The following ATP6V0B variants were observed in gnomAD, a reference collection of about 807,000 sequenced individuals.
ATP6V0B encodes ATPase H+ transporting V0 subunit b, also known as V-type proton ATPase 21 kDa proteolipid subunit c''.
In ATP6V0B, 4 loss-of-function variants were observed where a neutral mutation model predicts 26.2. That is an observed-to-expected ratio of 0.15 (90% confidence interval 0.08 to 0.35). The LOEUF (loss-of-function observed/expected upper bound fraction) is 0.35. ATP6V0B is among the 10% of genes least tolerant of loss of function. The pLI is 1.00. For synonymous variants in ATP6V0B, 110 were observed against 105.8 expected, an observed-to-expected ratio of 1.04 and a Z score of -0.24; for missense variants, 175 against 272.5, an observed-to-expected ratio of 0.64 and a Z score of 2.52.
rs1405831303 is a variant in ATP6V0B at position 43,976,476 on chromosome 1, G to A, written c.278+97G>A. 1.3e-6 allele frequency: 2 copies of A among 1,535,578 alleles called. No homozygotes were observed. Among genetic ancestry groups the A allele is most frequent in the African/African-American group, 1.4e-5 (1 of 72,964 alleles). On this transcript the variant is annotated intron_variant, in intron 4 of 7. Transcript: ENST00000472174. The surrounding 1 kb of genome is among the most constrained non-coding windows in gnomAD (Gnocchi z 4.6). Reference sequence around the variant, plus strand: ...TACTGTTTCTGACAAGCCACCTTGTGGGATGGGATGTTATAGGGGAAAGAT... The same window carrying A: ...TACTGTTTCTGACAAGCCACCTTGTAGGATGGGATGTTATAGGGGAAAGAT...
In ATP6V0B at chr1:43,975,124, G is replaced by T; in HGVS notation, c.67+17G>T. 1 of 1,410,858 alleles carries T rather than the reference G, an allele frequency of 7.1e-7. No homozygotes were observed. 87.4% of individuals were successfully genotyped at this position (1,410,858 alleles called of 1,614,324 possible). Reference sequence around the variant, plus strand: ...TGGCCGTGGGTGAGGCCGGGTCCTGGCGGGCGGGAGCAGCATCGCGGCCGA... The same window carrying T: ...TGGCCGTGGGTGAGGCCGGGTCCTGTCGGGCGGGAGCAGCATCGCGGCCGA... On this transcript the variant is annotated intron_variant, in intron 1 of 7. Coordinates refer to ENST00000472174, the MANE Select transcript of ATP6V0B (RefSeq NM_004047.5).
chr1:43,977,192 T>C lies in ATP6V0B; in HGVS notation c.567T>C (p.Phe189=), dbSNP rs754010438. Reference sequence around the variant, plus strand: ...TCTTTGGCAGCGCCATTGGCCTCTTTGGGGTCATCGTCGCAATTCTTCAGG... The same window carrying C: ...TCTTTGGCAGCGCCATTGGCCTCTTCGGGGTCATCGTCGCAATTCTTCAGG... ...VEIFGSAIGL[F]GVIVAILQTS... is the part of the protein sequence containing the mutation. The change falls in exon 7 of 8, where the codon TTT becomes TTC. Residue 189 remains phenylalanine, a synonymous_variant. Transcript: ENST00000472174. The C allele has an allele frequency of 1.2e-6, 2 of 1,614,216 alleles. No homozygotes were observed. Among genetic ancestry groups the C allele is most frequent in the South Asian group, 2.2e-5 (2 of 91,090 alleles).
intron 7 of ATP6V0B, 143 bp from the exon 8 acceptor site, chr1:43,977,838 G>A (rs753813537): frequency 1.0e-5 from 16 of 1,592,420 alleles, no homozygotes; most frequent in Non-Finnish European, 1.3e-5. Flanking sequence ...TGCCTTGTCT[G>A]TCACAGTGTG....
In ATP6V0B at chr1:43,974,965, G is replaced by A. The variant is rs1170036175; in HGVS notation, c.-76G>A. The A allele has an allele frequency of 1.4e-5, 16 of 1,146,778 alleles. No homozygotes were observed. The highest frequency in any genetic ancestry group is 1.7e-5 in the Non-Finnish European group (15 of 899,324). 71.0% of individuals were successfully genotyped at this position (1,146,778 alleles called of 1,614,324 possible). On this transcript the variant is annotated 5_prime_UTR_variant, in exon 1 of 8. Coordinates refer to ENST00000472174, the MANE Select transcript of ATP6V0B (RefSeq NM_004047.5). ...ACGCTGCGGGGCGGGCGGACAGACT[G>A]CGGGACGGACGGTGGACGCTGGGAC...
At position 43,975,868 on chromosome 1, in the gene ATP6V0B, G is replaced by T. The variant is rs1013386153; in HGVS notation, c.116+20G>T. The T allele has an allele frequency of 1.9e-6, 3 of 1,580,946 alleles. No homozygotes were observed. Among genetic ancestry groups the T allele is most frequent in the Non-Finnish European group, 2.6e-6 (3 of 1,162,086 alleles). ...GGCATGGTAAGGGAGGGCAGGGGGA[G>T]GATTCCCCTTGAAGCTTCTTCCCTG... On this transcript the variant is annotated intron_variant, in intron 2 of 7. Transcript: ENST00000472174.
rs547891031 is a variant in ATP6V0B at position 43,974,961 on chromosome 1, G to C, written c.-80G>C. The C allele has an allele frequency of 1.8e-6, 2 of 1,115,842 alleles. No individual in the cohort carries two copies. Among genetic ancestry groups the C allele is most frequent in the East Asian group, 6.4e-5 (2 of 31,014 alleles). 69.1% of individuals were successfully genotyped at this position (1,115,842 alleles called of 1,614,324 possible). ...GGTGACGCTGCGGGGCGGGCGGACAGACTGCGGGACGGACGGTGGACGCTG... is the reference window on the plus strand; with the variant it reads ...GGTGACGCTGCGGGGCGGGCGGACACACTGCGGGACGGACGGTGGACGCTG... On this transcript the variant is annotated 5_prime_UTR_variant, in exon 1 of 8. Transcript: ENST00000472174.
chr1:43,977,579 G>A (rs1328039032), intron 7 of ATP6V0B: 1 of 1,422,334 alleles, frequency 7.0e-7, no homozygotes, highest in Non-Finnish European at 9.1e-7. Flanking sequence ...AGTCTGTCAT[G>A]GTGTGTTTGA....
chr1:43,975,946 C>T, intron 2 of ATP6V0B, 98 bp downstream of exon 2: 2 of 1,510,356 alleles, frequency 1.3e-6, no homozygotes, highest in South Asian at 1.2e-5. Context: ...CACTGCCTGC[C>T]TGGGACATGG....
chr1:43,977,407 A>G, intron 7 of ATP6V0B, 191 bp downstream of exon 7: 2 of 1,506,610 alleles, frequency 1.3e-6, no homozygotes, highest in Non-Finnish European at 1.8e-6. Flanking sequence ...ATTTGGTGTC[A>G]CTGACAACAG....
At chr1:43,977,269 C>G in intron 7 of ATP6V0B, 53 bp downstream of exon 7, 2 of 1,614,122 alleles carry the variant, frequency 1.2e-6, no homozygotes, top group South Asian at 2.2e-5. Flanking sequence ...CCTAGCCTTA[C>G]CCTCCTTCTG....
intron 1 of ATP6V0B, 64 bp from the exon 2 acceptor site, chr1:43,975,736 T>C: frequency 6.3e-7 from 1 of 1,575,614 alleles, no homozygotes; most frequent in Non-Finnish European, 8.7e-7. Context: ...GCAGCTACTT[T>C]AGGTTGAAGA....
In ATP6V0B at chr1:43,976,208, C is replaced by A. The variant is rs1456576417; in HGVS notation, c.200+35C>A. On this transcript the variant is annotated intron_variant, in intron 3 of 7. Transcript: ENST00000472174. This position sits in a 1 kb window ranked among gnomAD's most constrained non-coding sequence, Gnocchi z 4.6. ...GGGGTGGTGGGACTGGGGGCAGGGG[C>A]TGAGTCATGGCAGGTGGTGTCACTG... is the stretch of plus-strand genomic sequence containing the variant. 5 of 1,610,640 alleles carry A rather than the reference C, an allele frequency of 3.1e-6. No homozygotes were observed. In the Admixed American group the frequency reaches 5.0e-5, roughly 16 times the overall value.
intron 1 of ATP6V0B, chr1:43,975,519 G>T: frequency 3.5e-6 from 2 of 571,988 alleles, no homozygotes; most frequent in South Asian, 2.1e-5. Context: ...GGCGGGATCT[G>T]GCTGGAGCGC....
chr1:43,976,815 T>C lies in ATP6V0B; in HGVS notation c.391T>C (p.Tyr131His). Reference protein sequence around the residue: ...TDPKAIGHRNYHAGYSMFGAG... With the variant: ...TDPKAIGHRNHHAGYSMFGAG... Reference sequence around the variant, plus strand: ...CCCCAAGGCCATCGGCCATCGGAACTACCATGCAGGTGGGTGGATGGGCGT... The same window carrying C: ...CCCCAAGGCCATCGGCCATCGGAACCACCATGCAGGTGGGTGGATGGGCGT... Residue 131 changes from tyrosine (Y) to histidine (H), a missense_variant, in exon 6 of 8, where the codon TAC becomes CAC. Tyr to His is a moderately conservative substitution (Grantham distance 83). This residue lies in a region of ATP6V0B where 97 missense variants were observed against 158.0 expected (regional missense o/e 0.61). Transcript: ENST00000472174. The surrounding 1 kb of genome is among the most constrained non-coding windows in gnomAD (Gnocchi z 4.6). 1 of 1,614,224 alleles carries C rather than the reference T, an allele frequency of 6.2e-7. No homozygotes were observed. The highest frequency in any genetic ancestry group is 8.5e-7 in the Non-Finnish European group (1 of 1,180,042).
At position 43,978,265 on chromosome 1, in the gene ATP6V0B, T is replaced by G; in HGVS notation, c.*258T>G. On this transcript the variant is annotated 3_prime_UTR_variant, in exon 8 of 8. Transcript: ENST00000472174. Reference sequence around the variant, plus strand: ...ACCCTCAACCCATCTTCCTAGTGTTTGTGAAATAAACTTGGTATTTGTCTG... The same window carrying G: ...ACCCTCAACCCATCTTCCTAGTGTTGGTGAAATAAACTTGGTATTTGTCTG... 3.4e-6 allele frequency: 2 copies of G among 581,992 alleles called. No homozygotes were observed. The highest frequency in any genetic ancestry group is 1.9e-5 in the African/African-American group (1 of 53,496). 36.1% of individuals were successfully genotyped at this position (581,992 alleles called of 1,614,324 possible). A position where few individuals can be genotyped will look rare whatever the true frequency, so the allele number is the denominator to read the frequency against.
Position 43,975,014 on chromosome 1 carries a change from G to C in ATP6V0B, c.-27G>C. The C allele has an allele frequency of 7.9e-7, 1 of 1,262,258 alleles. No homozygotes were observed. Among genetic ancestry groups the C allele is most frequent in the Non-Finnish European group, 1.0e-6 (1 of 1,000,606 alleles). 78.2% of individuals were successfully genotyped at this position (1,262,258 alleles called of 1,614,324 possible). A position where few individuals can be genotyped will look rare whatever the true frequency, so the allele number is the denominator to read the frequency against. On this transcript the variant is annotated 5_prime_UTR_variant, in exon 1 of 8. Coordinates refer to ENST00000472174, the MANE Select transcript of ATP6V0B (RefSeq NM_004047.5). ...ACGCGTTTGTAGCTCCGGCCCCGCC[G>C]TTCCGACCCCCGCCGCCGTCGCCGC...
chr1:43,976,450 A>G lies in ATP6V0B; in HGVS notation c.278+71A>G, dbSNP rs2085521013. ...GCGCTGCCTGTGTGTTTGATCTGAC[A>G]TACTGTTTCTGACAAGCCACCTTGT... On this transcript the variant is annotated intron_variant, in intron 4 of 7. Coordinates refer to ENST00000472174, the MANE Select transcript of ATP6V0B (RefSeq NM_004047.5). The surrounding 1 kb of genome is among the most constrained non-coding windows in gnomAD (Gnocchi z 4.6). 1.9e-6 allele frequency: 3 copies of G among 1,554,450 alleles called. No individual in the cohort carries two copies. The South Asian group carries it at 3.4e-5, about 18-fold the overall frequency.
At chr1:43,975,164 A>C in intron 1 of ATP6V0B, 57 bp downstream of exon 1, 1 of 1,402,632 alleles carries the variant, frequency 7.1e-7, no homozygotes, top group Non-Finnish European at 9.3e-7. Flanking sequence ...GCCGGGTCGG[A>C]ACTCGGCGGG....
chr1:43,975,959 C>G, intron 2 of ATP6V0B, 111 bp downstream of exon 2: 1 of 1,514,458 alleles, frequency 6.6e-7, no homozygotes, highest in Non-Finnish European at 9.1e-7. Flanking sequence ...GGACATGGAC[C>G]TTTGGGAAAT....
Sources: gnomAD v4.1 joint callset for allele counts on GRCh38, gnomAD v4.1.1 for gene constraint, gnomAD v4.1.1 regional missense constraint, Gnocchi (gnomAD v3.1) non-coding constraint, MANE v1.5 for transcripts, NCBI Gene and HGNC (gene_info 2026-07-23, HGNC 2026-07-21) for gene names.